OLA1: variants seen among roughly 807,000 people sequenced by gnomAD.
OLA1 encodes obg-like ATPase 1.
OLA1 carries 14 observed loss-of-function variants against 48.4 expected under a neutral mutation model. The ratio of observed to expected loss-of-function variants is 0.29; its 90% CI spans 0.19 to 0.45. OLA1 has a LOEUF of 0.45. Among genes scored for constraint, OLA1 ranks in the 20% least tolerant of loss-of-function variants. The pLI, the probability that OLA1 is intolerant of heterozygous loss-of-function variation, is 1.00. For synonymous variants in OLA1, 127 were observed against 150.4 expected (o/e 0.84, Z 1.14); for missense variants, 325 against 467.1 (o/e 0.70, Z 2.80).
intron 7 of OLA1, among the ~76,000 whole-genome samples, chr2:174,092,191 G>A (rs1450709862): frequency 1.3e-5 from 2 of 151,654 alleles, no homozygotes; most frequent in South Asian, 4.2e-4. Context: ...AGAGAGGAGG[G>A]GAGGGGTTAT....
At chr2:174,134,179 G>A (rs537963914) in intron 5 of OLA1, among the ~76,000 whole-genome samples, 1 of 152,314 alleles carries the variant, frequency 6.6e-6, no homozygotes, top group African/African-American at 2.4e-5. Flanking sequence ...GAGTAACTGT[G>A]TTGGGTATAT....
intron 3 of OLA1, among the ~76,000 whole-genome samples, chr2:174,228,567 C>T (rs1472977214): frequency 6.6e-6 from 1 of 152,096 alleles, no homozygotes; most frequent in Non-Finnish European, 1.5e-5. Context: ...TAAACTATCT[C>T]ACTTTTTCCT....
chr2:174,247,646 T>C (rs1470399770), intron 1 of OLA1: 1 of 1,550,544 alleles, frequency 6.4e-7, no homozygotes, highest in South Asian at 1.2e-5. Context: ...ACAACCCCCA[T>C]TTTTCACATA....
chr2:174,094,043 G>A (rs576066608), intron 7 of OLA1, among the ~76,000 whole-genome samples: 8 of 152,298 alleles, frequency 5.3e-5, no homozygotes, highest in South Asian at 4.1e-4. Flanking sequence ...CTGATATACC[G>A]GGATAGATGA....
chr2:174,102,055 A>C (rs1355926875), intron 7 of OLA1, among the ~76,000 whole-genome samples: 1 of 152,176 alleles, frequency 6.6e-6, no homozygotes, highest in African/African-American at 2.4e-5. Flanking sequence ...GACAATCAGG[A>C]ATAATGAAAC....
intron 5 of OLA1, among the ~76,000 whole-genome samples, chr2:174,139,089 C>G (rs993358863): frequency 6.6e-6 from 1 of 152,156 alleles, no homozygotes; most frequent in African/African-American, 2.4e-5. Context: ...ATCTTGATGA[C>G]TTGGTATTAT....
rs142960007 is a variant in OLA1, at chr2:174,211,864, C to G, written c.373+11169G>C. Among the ~76,000 whole-genome samples the G allele has an allele frequency of 3.7e-3, 559 of 152,226 alleles. 6 individuals are homozygous for G. In the Middle Eastern group the frequency reaches 0.051, roughly 14 times the overall value. Reference sequence around the variant, plus strand: ...CATATTGAAATAATATTTTTGGTTACATTAAATATTATTAAAATTGATTTC... The same window carrying G: ...CATATTGAAATAATATTTTTGGTTAGATTAAATATTATTAAAATTGATTTC... On this transcript the variant is annotated intron_variant, in intron 4 of 10. Coordinates refer to ENST00000284719, the MANE Select transcript of OLA1 (RefSeq NM_013341.5).
intron 7 of OLA1, among the ~76,000 whole-genome samples, chr2:174,105,064 C>A (rs1348974718): frequency 6.6e-6 from 1 of 151,806 alleles, no homozygotes; most frequent in Admixed American, 6.6e-5. Flanking sequence ...ATGATGTTAA[C>A]CACATTTTAA....
intron 7 of OLA1, among the ~76,000 whole-genome samples, chr2:174,089,573 C>T (rs17317002): frequency 0.17 from 25,402 of 152,076 alleles, 2,562 homozygotes; most frequent in Non-Finnish European, 0.23. Flanking sequence ...GTCTCAGATT[C>T]ACATTACTAT....
chr2:174,206,411 A>G (rs16862466), intron 4 of OLA1, among the ~76,000 whole-genome samples: 18,378 of 152,138 alleles, frequency 0.12, 1,742 homozygotes, highest in African/African-American at 0.26. Flanking sequence ...ATCATTAAAG[A>G]TCAAGAGACT....
At chr2:174,166,514 C>T (rs1687169039) in intron 4 of OLA1, among the ~76,000 whole-genome samples, 1 of 152,166 alleles carries the variant, frequency 6.6e-6, no homozygotes, top group Non-Finnish European at 1.5e-5. Context: ...AGATTGGCAG[C>T]CAATTCAAAT....
At chr2:174,161,176 T>A (rs980151822) in intron 4 of OLA1, among the ~76,000 whole-genome samples, 32 of 152,282 alleles carry the variant, frequency 2.1e-4, no homozygotes, top group African/African-American at 7.5e-4. Flanking sequence ...ACATACATAG[T>A]TAATACAATG....
At chr2:174,129,455 C>CTCAA (rs1319568489) in intron 5 of OLA1, among the ~76,000 whole-genome samples, 3 of 106,448 alleles carry the variant, frequency 2.8e-5, no homozygotes, top group Non-Finnish European at 4.1e-5. Flanking sequence ...GAGACTCCGT[C>CTCAA]TCAATAAATA....
intron 4 of OLA1, among the ~76,000 whole-genome samples, chr2:174,143,332 A>AT (rs1347959660): frequency 1.3e-5 from 2 of 152,174 alleles, no homozygotes; most frequent in Non-Finnish European, 2.9e-5. Context: ...GTTTAGGTAA[A>AT]TTTTTTGAAT....
intron 4 of OLA1, among the ~76,000 whole-genome samples, chr2:174,206,372 A>C (rs1421875665): frequency 6.6e-6 from 1 of 152,196 alleles, no homozygotes; most frequent in Non-Finnish European, 1.5e-5. Context: ...ATCTCTTAAA[A>C]AAACAAACAA....
At chr2:174,182,553 T>A (rs1687573186) in intron 4 of OLA1, among the ~76,000 whole-genome samples, 1 of 151,992 alleles carries the variant, frequency 6.6e-6, no homozygotes, top group Non-Finnish European at 1.5e-5. Flanking sequence ...AAAATAAAAA[T>A]GAAATTAAAA....
intron 7 of OLA1, among the ~76,000 whole-genome samples, chr2:174,106,507 G>A (rs1233543411): frequency 6.6e-6 from 1 of 152,072 alleles, no homozygotes; most frequent in Non-Finnish European, 1.5e-5. Context: ...CAAAAGCAGA[G>A]CACCTGGCCA....
chr2:174,221,191 T>G (rs1214363147), intron 4 of OLA1, among the ~76,000 whole-genome samples: 1 of 152,200 alleles, frequency 6.6e-6, no homozygotes, highest in Admixed American at 6.5e-5. Flanking sequence ...TTGGATTTTC[T>G]TTCCTTCCTT....
At chr2:174,184,889 T>A (rs557841350) in intron 4 of OLA1, among the ~76,000 whole-genome samples, 1 of 152,280 alleles carries the variant, frequency 6.6e-6, no homozygotes, top group South Asian at 2.1e-4. Flanking sequence ...AATAGCTTTT[T>A]AAAAAAATTA....
Sources: gnomAD v4.1 joint callset for allele counts (sites outside exome capture counted in the v4.1 genomes callset) on GRCh38, gnomAD v4.1.1 for gene constraint, MANE v1.5 for transcripts, NCBI Gene and HGNC (gene_info 2026-07-23, HGNC 2026-07-21) for gene names.